ERC2: variants seen among roughly 807,000 people sequenced by gnomAD.
ERC2 encodes the protein ELKS/RAB6-interacting/CAST family member 2.
A neutral mutation model predicts 114.8 loss-of-function variants in ERC2; 42 were observed. The ratio of observed to expected loss-of-function variants is 0.37; its 90% confidence interval spans 0.29 to 0.47. The LOEUF is 0.47. Among genes scored for constraint, ERC2 ranks in the 20% least tolerant of loss-of-function variants. The probability of loss-of-function intolerance (pLI) is 0.99; values close to 1 mark genes in which losing one functional copy is unlikely to be tolerated. For synonymous variants in ERC2, 454 were observed against 425.5 expected, an observed-to-expected ratio of 1.07 and a Z score of -0.82; for missense variants, 939 against 1,150.7, an observed-to-expected ratio of 0.82 and a Z score of 2.66.
chr3:55,779,457 C>T (rs112469731), intron 14 of ERC2, among the ~76,000 whole-genome samples: 3 of 150,856 alleles, frequency 2.0e-5, no homozygotes, highest in East Asian at 1.9e-4. Context: ...GCCGAGATTG[C>T]GCTACTGCAC....
At chr3:55,808,701 T>TTATTTATA (rs2059584733) in intron 14 of ERC2, among the ~76,000 whole-genome samples, 2 of 61,728 alleles carry the variant, frequency 3.2e-5, no homozygotes, top group Non-Finnish European at 5.9e-5. Flanking sequence ...TACCATAATT[T>TTATTTATA]TATATATATA....
chr3:55,756,226 A>C (rs2067050060), intron 14 of ERC2, among the ~76,000 whole-genome samples: 1 of 152,360 alleles, frequency 6.6e-6, no homozygotes, highest in Middle Eastern at 3.4e-3. Context: ...TAATTTAATT[A>C]TCCTCAGAGT....
intron 1 of ERC2, among the ~76,000 whole-genome samples, chr3:56,449,346 C>T (rs937022773): frequency 2.6e-5 from 4 of 152,166 alleles, no homozygotes; most frequent in African/African-American, 4.8e-5. Context: ...TCCAGGTGGG[C>T]ACCTGCATTG....
intron 13 of ERC2, among the ~76,000 whole-genome samples, chr3:55,939,095 T>C (rs11715818): frequency 0.62 from 94,963 of 152,122 alleles, 30,514 homozygotes; most frequent in Middle Eastern, 0.68. Flanking sequence ...TTCATATCAG[T>C]TTTCTTAATG....
At chr3:55,857,283 C>T (rs566252531) in intron 14 of ERC2, among the ~76,000 whole-genome samples, 1 of 152,134 alleles carries the variant, frequency 6.6e-6, no homozygotes, top group African/African-American at 2.4e-5. Context: ...CTTGGATAAG[C>T]TGACAGTGAA....
At chr3:55,878,376 A>G (rs2062963934) in intron 14 of ERC2, among the ~76,000 whole-genome samples, 1 of 152,082 alleles carries the variant, frequency 6.6e-6, no homozygotes, top group Non-Finnish European at 1.5e-5. Flanking sequence ...GGCCTTCTCC[A>G]ACTAGTTCTC....
At chr3:56,020,770 G>C (rs187499514) in intron 7 of ERC2, among the ~76,000 whole-genome samples, 1 of 152,320 alleles carries the variant, frequency 6.6e-6, no homozygotes, top group Non-Finnish European at 1.5e-5. Flanking sequence ...CTGGGCATAA[G>C]AGGAGGACAT....
chr3:55,615,669 C>T (rs1230859532), intron 17 of ERC2, among the ~76,000 whole-genome samples: 1 of 152,160 alleles, frequency 6.6e-6, no homozygotes, highest in African/African-American at 2.4e-5. Flanking sequence ...TTGTACATAA[C>T]ACAGGTATTT....
chr3:56,197,866 C>T (rs760846182), intron 3 of ERC2, among the ~76,000 whole-genome samples: 2 of 152,144 alleles, frequency 1.3e-5, no homozygotes, highest in African/African-American at 4.8e-5. Context: ...TGTTTGGGTT[C>T]ACAAGACTTT....
chr3:56,004,909 T>C (rs2072357571), intron 10 of ERC2, among the ~76,000 whole-genome samples: 1 of 152,070 alleles, frequency 6.6e-6, no homozygotes, highest in Non-Finnish European at 1.5e-5. Context: ...AAATGATGTG[T>C]TTATATGTAT....
intron 17 of ERC2, among the ~76,000 whole-genome samples, chr3:55,581,297 T>C (rs925328902): frequency 6.6e-6 from 1 of 152,146 alleles, no homozygotes; most frequent in African/African-American, 2.4e-5. Flanking sequence ...TGTCTGAAAA[T>C]ACCCATGCAA....
intron 17 of ERC2, among the ~76,000 whole-genome samples, chr3:55,633,724 T>C (rs1169495319): frequency 2.0e-5 from 3 of 152,252 alleles, no homozygotes; most frequent in Non-Finnish European, 4.4e-5. Context: ...TTTGCCTTTA[T>C]GGAGCTTACA....
intron 17 of ERC2, among the ~76,000 whole-genome samples, chr3:55,589,497 T>C (rs1408364924): frequency 6.6e-6 from 1 of 152,130 alleles, no homozygotes; most frequent in East Asian, 1.9e-4. Flanking sequence ...TGCATAACCA[T>C]GAGTACTGGC....
intron 12 of ERC2, among the ~76,000 whole-genome samples, chr3:55,961,840 A>C (rs2068396668): frequency 7.4e-6 from 1 of 135,894 alleles, no homozygotes; most frequent in Non-Finnish European, 1.6e-5. Flanking sequence ...TCACCAATGA[A>C]ATGATACCCA....
chr3:56,292,932 C>G (rs1483234118), intron 3 of ERC2, among the ~76,000 whole-genome samples: 2 of 152,204 alleles, frequency 1.3e-5, no homozygotes, highest in Non-Finnish European at 2.9e-5. Context: ...GCTTCACTCT[C>G]TTCTTCATGA....
At chr3:55,561,050 A>G (rs1163012976) in intron 17 of ERC2, among the ~76,000 whole-genome samples, 1 of 151,982 alleles carries the variant, frequency 6.6e-6, no homozygotes, top group East Asian at 1.9e-4. Flanking sequence ...TCATCAATAT[A>G]TCGATGGCCA....
rs113265848 is a variant in ERC2 at position 56,002,137 on chromosome 3, G to T, written c.2061+5044C>A. ...TAAAATGTGTTGTAAAGAATGGAGG[G>T]TGGAGGCTGAATCTAACTAAGTACA... On this transcript the variant is annotated intron_variant, in intron 10 of 17. Transcript: ENST00000288221. Among the ~76,000 whole-genome samples the T allele has an allele frequency of 3.4e-3, 515 of 152,280 alleles. 1 individual carries two copies. Among genetic ancestry groups the T allele is most frequent in the African/African-American group, 0.012 (493 of 41,570 alleles).
chr3:55,600,080 C>T (rs1010264393), intron 17 of ERC2, among the ~76,000 whole-genome samples: 2 of 152,108 alleles, frequency 1.3e-5, no homozygotes, highest in Non-Finnish European at 2.9e-5. Context: ...AATCACTGCT[C>T]TAGAAAATAT....
intron 17 of ERC2, among the ~76,000 whole-genome samples, chr3:55,674,969 T>C (rs2061719561): frequency 6.6e-6 from 1 of 152,168 alleles, no homozygotes; most frequent in African/African-American, 2.4e-5. Flanking sequence ...TTATAAAGGC[T>C]CAGCATCTCA....
Sources: gnomAD v4.1 joint callset for allele counts (sites outside exome capture counted in the v4.1 genomes callset) on GRCh38, gnomAD v4.1.1 for gene constraint, MANE v1.5 for transcripts, NCBI Gene and HGNC (gene_info 2026-07-23, HGNC 2026-07-21) for gene names.